HPSE2: variants seen among roughly 807,000 people sequenced by gnomAD.
HPSE2 encodes heparanase 2 (inactive).
In HPSE2, 38 loss-of-function variants were observed where a neutral mutation model predicts 60.5. The observed-to-expected ratio is 0.63, with a 90% CI of 0.48 to 0.82. HPSE2 has a LOEUF of 0.82. Among genes scored for constraint, HPSE2 ranks in the 40% least tolerant of loss-of-function variants. HPSE2 has a pLI of 0.00. For missense variants in HPSE2, 713 were observed against 740.4 expected (o/e 0.96, Z 0.43); for synonymous variants, 295 against 293.2 (o/e 1.01, Z -0.06).
intron 9 of HPSE2, among the ~76,000 whole-genome samples, chr10:98,517,923 A>AC (rs1428962503): frequency 6.6e-6 from 1 of 152,236 alleles, no homozygotes; most frequent in Non-Finnish European, 1.5e-5. Context: ...GGTTGTTACA[A>AC]CCAGTTCCTG....
intron 2 of HPSE2, among the ~76,000 whole-genome samples, chr10:99,146,228 T>C (rs1450622093): frequency 1.3e-5 from 2 of 152,164 alleles, no homozygotes; most frequent in Non-Finnish European, 2.9e-5. Context: ...CTTCCAAAAA[T>C]ATTATCAAAG....
chr10:99,174,437 G>A (rs781585174), intron 2 of HPSE2, among the ~76,000 whole-genome samples: 5 of 152,124 alleles, frequency 3.3e-5, no homozygotes, highest in Non-Finnish European at 5.9e-5. Context: ...GAGATGTATC[G>A]TCAACAATGA....
chr10:99,226,861 G>A lies in HPSE2; in HGVS notation c.448+5487C>T, dbSNP rs913191238. Among the ~76,000 whole-genome samples the A allele has an allele frequency of 7.9e-5, 12 of 152,078 alleles. No individual in the cohort carries two copies. The South Asian group carries it at 1.2e-3, about 16-fold the overall frequency. ...GTCCAACACTTGATTAAGGTATCTC[G>A]CCTAAAGCAATTATTACTGTTGTGT... On this transcript the variant is annotated intron_variant, in intron 2 of 11. Coordinates refer to ENST00000370552, the MANE Select transcript of HPSE2 (RefSeq NM_021828.5).
intron 5 of HPSE2, among the ~76,000 whole-genome samples, 199 bp from the exon 6 acceptor site, chr10:98,694,146 C>A (rs1948151240): frequency 6.6e-6 from 1 of 152,150 alleles, no homozygotes. Context: ...AACCATACTT[C>A]CAGCTCCCCA....
intron 3 of HPSE2, among the ~76,000 whole-genome samples, chr10:99,039,720 T>C (rs1231076543): frequency 6.6e-6 from 1 of 152,024 alleles, no homozygotes; most frequent in Non-Finnish European, 1.5e-5. Context: ...CAATGGATTA[T>C]AGGTCCAAGC....
chr10:98,693,938 C>T lies in HPSE2; in HGVS notation c.966G>A (p.Lys322=). 2 of 1,612,164 alleles carry T rather than the reference C, an allele frequency of 1.2e-6. No homozygotes were observed. Among genetic ancestry groups the T allele is most frequent in the African/African-American group, 2.7e-5 (2 of 74,974 alleles). ...NVIALLDGFM[K]VAGSTVDAVT... is the part of the protein sequence containing the mutation. ...CTGCATCTACTGTACTTCCTGCCAC[C>T]TTCATGAATCTGTAAGGAATAGAAA... The change falls in exon 6 of 12, where the codon AAG becomes AAA. Residue 322 remains lysine (K), a synonymous_variant. Coordinates refer to ENST00000370552, the MANE Select transcript of HPSE2 (RefSeq NM_021828.5).
intron 3 of HPSE2, among the ~76,000 whole-genome samples, chr10:98,875,312 CAAAT>C (rs1318928516): frequency 6.6e-6 from 1 of 151,980 alleles, no homozygotes; most frequent in East Asian, 1.9e-4. Flanking sequence ...AGAGAAGAAT[CAAAT>C]AGTCACAATA....
chr10:98,923,743 G>A (rs1454161335), intron 3 of HPSE2, among the ~76,000 whole-genome samples: 1 of 151,810 alleles, frequency 6.6e-6, no homozygotes, highest in African/African-American at 2.4e-5. Flanking sequence ...ATTTCTGATT[G>A]ATTCTATTTA....
Position 99,057,450 on chromosome 10 carries a change from G to T in HPSE2, c.610+86788C>A, listed in dbSNP as rs149289665. ...AATTTGTTTGTGAATATACACAAAA[G>T]GAGGGTAGGCAACAGCATGGGATTT... On this transcript the variant is annotated intron_variant, in intron 3 of 11. Transcript: ENST00000370552. Among the ~76,000 whole-genome samples, 602 of 152,208 alleles carry T rather than the reference G, an allele frequency of 4.0e-3. 3 individuals are homozygous for T. Among genetic ancestry groups the T allele is most frequent in the African/African-American group, 0.014 (572 of 41,510 alleles).
At chr10:98,672,299 C>G (rs1947526677) in intron 6 of HPSE2, among the ~76,000 whole-genome samples, 1 of 152,230 alleles carries the variant, frequency 6.6e-6, no homozygotes, top group African/African-American at 2.4e-5. Flanking sequence ...ATGCTGCCAT[C>G]TAACAATGGT....
intron 3 of HPSE2, among the ~76,000 whole-genome samples, chr10:99,055,083 C>T (rs546294935): frequency 1.3e-5 from 2 of 151,938 alleles, no homozygotes; most frequent in African/African-American, 4.8e-5. Flanking sequence ...GAAACATATA[C>T]CAGCTATATA....
intron 9 of HPSE2, among the ~76,000 whole-genome samples, chr10:98,605,804 A>G (rs571268901): frequency 5.9e-5 from 9 of 152,322 alleles, no homozygotes; most frequent in Non-Finnish European, 1.0e-4. Flanking sequence ...TGGGTGGACC[A>G]TACCTCAGGT....
chr10:99,041,228 G>C (rs1159520897), intron 3 of HPSE2, among the ~76,000 whole-genome samples: 1 of 152,168 alleles, frequency 6.6e-6, no homozygotes, highest in Non-Finnish European at 1.5e-5. Flanking sequence ...ACAGAGAACA[G>C]AGTGGTGAGT....
chr10:99,246,449 C>A, the HPSE2 span, among the ~76,000 whole-genome samples: 183 of 152,306 alleles, frequency 1.2e-3, no homozygotes, highest in African/African-American at 4.3e-3. Flanking sequence ...GGGATTATGA[C>A]TTAAAATCAA....
chr10:99,269,195 G>C, the HPSE2 span, among the ~76,000 whole-genome samples: 1 of 151,990 alleles, frequency 6.6e-6, no homozygotes, highest in Middle Eastern at 3.4e-3. Flanking sequence ...AGTATCTGCT[G>C]TCTTCAAGAG....
chr10:99,071,800 C>T (rs1842798882), intron 3 of HPSE2, among the ~76,000 whole-genome samples: 1 of 152,094 alleles, frequency 6.6e-6, no homozygotes, highest in African/African-American at 2.4e-5. Flanking sequence ...CCAGTTTTCC[C>T]AACACTATTT....
chr10:99,090,783 T>G (rs1589639656), intron 3 of HPSE2, among the ~76,000 whole-genome samples: 1 of 152,192 alleles, frequency 6.6e-6, no homozygotes, highest in South Asian at 2.1e-4. Flanking sequence ...TCTGTCTACC[T>G]CAAAATATCT....
chr10:98,675,650 C>T (rs1373926984), intron 6 of HPSE2, among the ~76,000 whole-genome samples: 1 of 151,880 alleles, frequency 6.6e-6, no homozygotes, highest in Non-Finnish European at 1.5e-5. Context: ...ATAACTTAAG[C>T]TCAGGAGGTT....
At chr10:99,085,258 C>A (rs1843278127) in intron 3 of HPSE2, among the ~76,000 whole-genome samples, 1 of 152,102 alleles carries the variant, frequency 6.6e-6, no homozygotes, top group Non-Finnish European at 1.5e-5. Context: ...TTGTTTAGAC[C>A]AACTTCTCAT....
Sources: gnomAD v4.1 joint callset for allele counts (sites outside exome capture counted in the v4.1 genomes callset) on GRCh38, gnomAD v4.1.1 for gene constraint, MANE v1.5 for transcripts, NCBI Gene and HGNC (gene_info 2026-07-23, HGNC 2026-07-21) for gene names.